Variants in KIF2C observed in about 807,000 individuals in gnomAD.
KIF2C encodes kinesin family member 2C, also known as kinesin-like protein KIF2C.
KIF2C carries 34 observed loss-of-function variants against 97.4 expected under a neutral mutation model. The ratio of observed to expected loss-of-function variants is 0.35; its 90% CI spans 0.27 to 0.46. The LOEUF (loss-of-function observed/expected upper bound fraction) is 0.46. Ranked by LOEUF, KIF2C falls within the 20% of genes least tolerant of loss-of-function variation. The pLI is 1.00. For missense variants in KIF2C, 750 were observed against 907.6 expected (o/e 0.83, Z 2.23); for synonymous variants, 313 against 318.2 (o/e 0.98, Z 0.17).
At chr1:44,758,317 C>T (rs1553156482) in intron 13 of KIF2C, among the ~76,000 whole-genome samples, 177 bp downstream of exon 13, 1 of 152,080 alleles carries the variant, frequency 6.6e-6, no homozygotes, top group Non-Finnish European at 1.5e-5. Context: ...GAGATGGCAC[C>T]TAAGTTCAAG....
At chr1:44,755,837 TG>T in intron 8 of KIF2C, 91 bp from the exon 9 acceptor site, 1 of 1,183,156 alleles carries the variant, frequency 8.5e-7, no homozygotes, top group Non-Finnish European at 1.3e-6. Context: ...GGGCCAGACA[TG>T]GGATTGGAAG....
In KIF2C at chr1:44,762,534, G is replaced by T; in HGVS notation, c.1858-11G>T. The T allele has an allele frequency of 6.2e-7, 1 of 1,612,154 alleles. No homozygotes were observed. The highest frequency in any genetic ancestry group is 8.5e-7 in the Non-Finnish European group (1 of 1,178,266). ...GGGTCACATAATTGTCTTTCTTTTT[G>T]GCCCTCTCAGTTATCCAAGGAAGAG... On this transcript the variant is annotated splice_polypyrimidine_tract_variant and intron_variant, in intron 18 of 20. Transcript: ENST00000372224.
rs780113113 is a variant in KIF2C at position 44,755,964 on chromosome 1, A to G, written c.795A>G (p.Lys265=). The change falls in exon 9 of 21, where the codon AAA becomes AAG. Residue 265 remains lysine (K), a synonymous_variant. Coordinates refer to ENST00000372224, the MANE Select transcript of KIF2C (RefSeq NM_006845.4). ...ACAGAATATGTGTCTGTGTTAGGAA[A>G]CGCCCACTGAATAAGCAAGGTAAGT... ...EEHRICVCVR[K]RPLNKQELAK... is the part of the protein sequence containing the mutation. 1.4e-5 allele frequency: 22 copies of G among 1,614,116 alleles called. No homozygotes were observed. In the African/African-American group the frequency reaches 2.9e-4, roughly 22 times the overall value.
In KIF2C at chr1:44,762,671, C is replaced by A; in HGVS notation, c.1971+13C>A. ...GGAGATCATACAGGTAGGCAGCTGGCCCTGGACAGGGAGCTGGATGCAGCA... is the reference window on the plus strand; with the variant it reads ...GGAGATCATACAGGTAGGCAGCTGGACCTGGACAGGGAGCTGGATGCAGCA... On this transcript the variant is annotated intron_variant, in intron 19 of 20. Coordinates refer to ENST00000372224, the MANE Select transcript of KIF2C (RefSeq NM_006845.4). The A allele has an allele frequency of 6.3e-7, 1 of 1,575,136 alleles. No individual in the cohort carries two copies. Among genetic ancestry groups the A allele is most frequent in the Non-Finnish European group, 8.7e-7 (1 of 1,144,986 alleles).
chr1:44,759,066 G>A (rs1649999742), intron 13 of KIF2C, 140 bp from the exon 14 acceptor site: 1 of 1,069,960 alleles, frequency 9.3e-7, no homozygotes, highest in African/African-American at 1.6e-5. Context: ...ACCTCTGCTA[G>A]GCTGACATCC....
chr1:44,758,508 C>T (rs1438661128), intron 13 of KIF2C, among the ~76,000 whole-genome samples: 1 of 152,184 alleles, frequency 6.6e-6, no homozygotes, highest in East Asian at 1.9e-4. Flanking sequence ...TCTCTATTCA[C>T]TGTGTGCTTC....
Position 44,759,357 on chromosome 1 carries a change from C to G in KIF2C, c.1367+9C>G. On this transcript the variant is annotated intron_variant, in intron 14 of 20. Coordinates refer to ENST00000372224, the MANE Select transcript of KIF2C (RefSeq NM_006845.4). ...ATGGGCAGCGCCTGCAGGTGAGAGT[C>G]CTGGTGAGGGGAAGGAGCGACCTTC... is the stretch of plus-strand genomic sequence containing the variant. 6.2e-7 allele frequency: 1 copy of G among 1,613,898 alleles called. No homozygotes were observed. The highest frequency in any genetic ancestry group is 8.5e-7 in the Non-Finnish European group (1 of 1,179,928).
In KIF2C at chr1:44,763,417, G is replaced by A. The variant is rs376304977; in HGVS notation, c.1971+759G>A. 4.4e-4 allele frequency among the ~76,000 whole-genome samples: 67 copies of A among 152,292 alleles called. 1 individual carries two copies. Among genetic ancestry groups the A allele is most frequent in the East Asian group, 3.7e-3 (19 of 5,178 alleles). On this transcript the variant is annotated intron_variant, in intron 19 of 20. Transcript: ENST00000372224. The stretch of plus-strand genomic sequence containing the variant: ...CTCCTCCCCTTCCTGGAGTGCTCAG[G>A]GGTACAGAGTTTTGTAAGCACATGG...
chr1:44,746,672 C>T (rs1426908535), intron 2 of KIF2C: 9 of 1,579,774 alleles, frequency 5.7e-6, no homozygotes, highest in Non-Finnish European at 7.7e-6. Flanking sequence ...CGACTGTTTG[C>T]CTGCCTGTCT....
At chr1:44,766,709 T>C (rs991347337) in intron 19 of KIF2C, 117 bp from the exon 20 acceptor site, 2 of 1,082,170 alleles carry the variant, frequency 1.8e-6, no homozygotes, top group Non-Finnish European at 2.7e-6. Context: ...AGCCAGGGTA[T>C]GGGTCAGGGA....
chr1:44,755,534 G>A (rs927793211), intron 8 of KIF2C, among the ~76,000 whole-genome samples: 2 of 152,250 alleles, frequency 1.3e-5, no homozygotes, highest in Admixed American at 1.3e-4. Flanking sequence ...AAAGTGCTGG[G>A]ATTACAGGCG....
At position 44,760,968 on chromosome 1, in the gene KIF2C, A is replaced by T; in HGVS notation, c.1683+266A>T. On this transcript the variant is annotated intron_variant, in intron 16 of 20. Coordinates refer to ENST00000372224, the MANE Select transcript of KIF2C (RefSeq NM_006845.4). The surrounding 1 kb of genome is among the most constrained non-coding windows in gnomAD (Gnocchi z 4.2). ...GAGGTCATTCCTGCATTACCTGATG[A>T]AAAGGGGGTTCCAGAATTCGGAAGA... 2.5e-6 allele frequency: 1 copy of T among 397,038 alleles called. No homozygotes were observed. Among genetic ancestry groups the T allele is most frequent in the Non-Finnish European group, 4.6e-6 (1 of 215,786 alleles). The allele number at this position is 397,038 out of a possible 1,614,324, so 24.6% of individuals were successfully genotyped here.
chr1:44,753,958 C>CTTTTTTTTTTTTTTTTTTTTTTTT (rs34685023), intron 7 of KIF2C, 125 bp downstream of exon 7: 3 of 66,710 alleles, frequency 4.5e-5, no homozygotes, highest in Non-Finnish European at 8.0e-5. Context: ...GGCCCCAATT[C>CTTTTTTTTTTTTTTTTTTTTTTTT]TTTTTTTTTT....
rs767525389 is a variant in KIF2C, at chr1:44,740,011, C to T, written c.70+9C>T. 4 of 1,614,088 alleles carry T rather than the reference C, an allele frequency of 2.5e-6. No individual in the cohort carries two copies. The highest frequency in any genetic ancestry group is 2.7e-5 in the African/African-American group (2 of 74,940). ...GATCCAACGCAGTAATGGTGAGGAGCGGGGTCCCTAGGTCAAGGGGACTCG... is the reference window on the plus strand; with the variant it reads ...GATCCAACGCAGTAATGGTGAGGAGTGGGGTCCCTAGGTCAAGGGGACTCG... On this transcript the variant is annotated intron_variant, in intron 1 of 20. Transcript: ENST00000372224.
chr1:44,740,023 G>C (rs777683725), intron 1 of KIF2C, 21 bp downstream of exon 1: 1 of 1,614,146 alleles, frequency 6.2e-7, no homozygotes, highest in Non-Finnish European at 8.5e-7. Context: ...GGGTCCCTAG[G>C]TCAAGGGGAC....
At chr1:44,750,948 G>A (rs768861999) in intron 5 of KIF2C, among the ~76,000 whole-genome samples, 5 of 152,076 alleles carry the variant, frequency 3.3e-5, no homozygotes, top group Non-Finnish European at 7.4e-5. Flanking sequence ...AGAGGTGAAA[G>A]ACTAGGCAGA....
At chr1:44,746,635 A>C (rs1346439059) in intron 2 of KIF2C, 1 of 1,505,998 alleles carries the variant, frequency 6.6e-7, no homozygotes, top group African/African-American at 1.4e-5. Context: ...AGGGGAGCCA[A>C]GTGGCCTAGA....
intron 4 of KIF2C, 116 bp from the exon 5 acceptor site, chr1:44,750,326 G>A (rs778030085): frequency 6.2e-6 from 7 of 1,123,010 alleles, no homozygotes; most frequent in African/African-American, 1.6e-5. Flanking sequence ...GGAAGTTGGC[G>A]AGCCCCTTTC....
Position 44,767,620 on chromosome 1 carries a change from C to G in KIF2C, c.*441C>G, listed in dbSNP as rs1345595729. The G allele has an allele frequency of 1.2e-5, 2 of 163,142 alleles. No homozygotes were observed. The highest frequency in any genetic ancestry group is 2.7e-5 in the Non-Finnish European group (2 of 73,786). 10.1% of individuals were successfully genotyped at this position (163,142 alleles called of 1,614,324 possible). On this transcript the variant is annotated 3_prime_UTR_variant, in exon 21 of 21. Transcript: ENST00000372224. Reference sequence around the variant, plus strand: ...TGGGCCGAGCACTGAATGTCTTGTACTTTAAAAAAATGTTTCTGAGACCTC... The same window carrying G: ...TGGGCCGAGCACTGAATGTCTTGTAGTTTAAAAAAATGTTTCTGAGACCTC...
Sources: allele counts gnomAD v4.1 joint callset (sites outside exome capture counted in the v4.1 genomes callset), GRCh38; gene constraint gnomAD v4.1.1; non-coding constraint Gnocchi (gnomAD v3.1); transcripts MANE v1.5; gene names NCBI Gene and HGNC (gene_info 2026-07-23, HGNC 2026-07-21).